The following GALNT17 variants were observed in gnomAD, a reference collection of about 807,000 sequenced individuals.
The protein encoded by GALNT17 is polypeptide N-acetylgalactosaminyltransferase 17.
In GALNT17, 29 loss-of-function variants were observed where a neutral mutation model predicts 63.7. That is an observed-to-expected ratio of 0.46 (90% confidence interval 0.34 to 0.62). GALNT17 has a LOEUF of 0.62. Among genes scored for constraint, GALNT17 ranks in the 20% least tolerant of loss-of-function variants. The pLI is 0.01. For synonymous variants in GALNT17, 305 were observed against 318.3 expected (o/e 0.96, Z 0.45); for missense variants, 603 against 799.6 (o/e 0.75, Z 2.97).
chr7:71,195,457 C>G (rs1789030415), intron 1 of GALNT17, among the ~76,000 whole-genome samples: 1 of 151,320 alleles, frequency 6.6e-6, no homozygotes, highest in Non-Finnish European at 1.5e-5. Context: ...TCATAACTTA[C>G]TGCTGCCTCA....
intron 5 of GALNT17, among the ~76,000 whole-genome samples, chr7:71,491,350 T>C (rs192515841): frequency 6.5e-4 from 99 of 152,224 alleles, no homozygotes; most frequent in African/African-American, 2.3e-3. Flanking sequence ...CTTCATTTTT[T>C]CCTAGACAGG....
intron 1 of GALNT17, among the ~76,000 whole-genome samples, chr7:71,204,715 A>ACCACCATACC (rs1353423672): frequency 6.6e-6 from 1 of 151,418 alleles, no homozygotes; most frequent in Non-Finnish European, 1.5e-5. Flanking sequence ...ACCGGCATGC[A>ACCACCATACC]CCACCATACC....
rs779358610 is a variant in GALNT17, at chr7:71,144,904, AT to A, written c.238+11869del. ...CCACCATGCCAGGCTAATTTTTTGT[AT>A]TTTTAGTAGAGATGGGGTTTCACCA... On this transcript the variant is annotated intron_variant, in intron 1 of 10. Transcript: ENST00000333538. 4.6e-5 allele frequency among the ~76,000 whole-genome samples: 7 copies of A among 152,078 alleles called. No individual in the cohort carries two copies. In the East Asian group the frequency reaches 1.2e-3, roughly 25 times the overall value.
At chr7:71,492,860 G>T (rs1791813629) in intron 5 of GALNT17, among the ~76,000 whole-genome samples, 1 of 152,184 alleles carries the variant, frequency 6.6e-6, no homozygotes, top group South Asian at 2.1e-4. Flanking sequence ...AGAGTTTGGG[G>T]GTGGATTATG....
intron 1 of GALNT17, among the ~76,000 whole-genome samples, chr7:71,170,657 G>T (rs1003076232): frequency 1.3e-5 from 2 of 152,048 alleles, no homozygotes; most frequent in African/African-American, 4.8e-5. Flanking sequence ...TTAAAAAGTA[G>T]CTTATTTTGA....
At chr7:71,360,526 A>G (rs1792378480) in intron 2 of GALNT17, among the ~76,000 whole-genome samples, 1 of 152,256 alleles carries the variant, frequency 6.6e-6, no homozygotes, top group African/African-American at 2.4e-5. Context: ...TGATCTATAT[A>G]TAATTACAGA....
intron 5 of GALNT17, among the ~76,000 whole-genome samples, chr7:71,510,839 C>G (rs777392107): frequency 1.3e-5 from 2 of 152,108 alleles, no homozygotes; most frequent in Non-Finnish European, 2.9e-5. Flanking sequence ...AGAAGAAGGT[C>G]AGGGTATGCC....
At chr7:71,299,926 T>A (rs1791163408) in intron 1 of GALNT17, among the ~76,000 whole-genome samples, 1 of 152,130 alleles carries the variant, frequency 6.6e-6, no homozygotes, top group African/African-American at 2.4e-5. Flanking sequence ...CCACCATGCC[T>A]GGCTAATTTT....
chr7:71,582,258 C>A (rs949826987), intron 6 of GALNT17, among the ~76,000 whole-genome samples: 1 of 151,874 alleles, frequency 6.6e-6, no homozygotes, highest in Non-Finnish European at 1.5e-5. Flanking sequence ...AACCCAAATG[C>A]CCATCAATCA....
chr7:71,613,738 G>C (rs1295905185), intron 6 of GALNT17, among the ~76,000 whole-genome samples: 2 of 151,686 alleles, frequency 1.3e-5, no homozygotes, highest in African/African-American at 2.4e-5. Context: ...AGGATTACTT[G>C]AGCCCAGGAG....
At chr7:71,287,952 T>C (rs1030782693) in intron 1 of GALNT17, among the ~76,000 whole-genome samples, 2 of 150,692 alleles carry the variant, frequency 1.3e-5, no homozygotes, top group African/African-American at 4.9e-5. Flanking sequence ...CTTGGGAGGC[T>C]GAGGCAGGAG....
chr7:71,552,642 A>G (rs923129825), intron 5 of GALNT17, among the ~76,000 whole-genome samples: 3 of 151,922 alleles, frequency 2.0e-5, no homozygotes, highest in Admixed American at 6.6e-5. Flanking sequence ...GGGTTTCACC[A>G]TGTTGTCCAG....
intron 3 of GALNT17, among the ~76,000 whole-genome samples, chr7:71,397,351 T>A (rs549602459): frequency 2.6e-5 from 4 of 152,208 alleles, no homozygotes; most frequent in African/African-American, 7.2e-5. Flanking sequence ...TGCAATGGGC[T>A]TCTCTGTATT....
chr7:71,302,115 C>G (rs752503530), intron 1 of GALNT17, among the ~76,000 whole-genome samples: 1 of 152,042 alleles, frequency 6.6e-6, no homozygotes, highest in Non-Finnish European at 1.5e-5. Context: ...CCAAACACCG[C>G]GTGTTGTCAC....
intron 3 of GALNT17, among the ~76,000 whole-genome samples, chr7:71,412,002 C>G (rs1297928414): frequency 1.3e-5 from 2 of 152,188 alleles, no homozygotes; most frequent in African/African-American, 4.8e-5. Context: ...AAGTGCTGGA[C>G]TCTGTTTCAA....
intron 1 of GALNT17, among the ~76,000 whole-genome samples, chr7:71,290,730 C>T (rs1790964415): frequency 6.6e-6 from 1 of 152,176 alleles, no homozygotes; most frequent in Admixed American, 6.5e-5. Context: ...CCCTGAAGTT[C>T]CATTTGCATG....
chr7:71,278,593 A>G (rs1019396916), intron 1 of GALNT17, among the ~76,000 whole-genome samples: 15 of 152,314 alleles, frequency 9.8e-5, no homozygotes, highest in African/African-American at 3.4e-4. Context: ...GGTTTGACTC[A>G]CACAGTTCTG....
At chr7:71,342,249 A>C (rs1365639548) in intron 2 of GALNT17, among the ~76,000 whole-genome samples, 2 of 152,188 alleles carry the variant, frequency 1.3e-5, no homozygotes, top group Non-Finnish European at 2.9e-5. Context: ...CTGAAAGCAA[A>C]AGGTGAGCCA....
intron 1 of GALNT17, among the ~76,000 whole-genome samples, chr7:71,158,485 C>T (rs1313330633): frequency 6.6e-6 from 1 of 151,690 alleles, no homozygotes; most frequent in African/African-American, 2.4e-5. Flanking sequence ...TCCTCCTCCT[C>T]CTGGATTCAA....
Sources: allele counts gnomAD v4.1 joint callset (sites outside exome capture counted in the v4.1 genomes callset), GRCh38; gene constraint gnomAD v4.1.1; transcripts MANE v1.5; gene names NCBI Gene and HGNC (gene_info 2026-07-23, HGNC 2026-07-21).